The following PLCZ1 variants were observed in gnomAD, a reference collection of about 807,000 sequenced individuals.
PLCZ1 encodes the protein phospholipase C zeta 1, also known as 1-phosphatidylinositol 4,5-bisphosphate phosphodiesterase zeta-1.
In PLCZ1, 64 loss-of-function variants were observed where a neutral mutation model predicts 76.8. The observed-to-expected ratio is 0.83, with a 90% CI of 0.68 to 1.03. PLCZ1 has a LOEUF of 1.03. Among genes scored for constraint, PLCZ1 ranks in the 50% least tolerant of loss-of-function variants. PLCZ1 has a pLI of 0.00. For synonymous variants in PLCZ1, 248 were observed against 230.8 expected (o/e 1.07, Z -0.68); for missense variants, 751 against 713.7 (o/e 1.05, Z -0.60).
At chr12:18,678,254 C>T (rs1386117098), downstream of PLCZ1, among the ~76,000 whole-genome samples, 2 of 152,056 alleles carry the variant, frequency 1.3e-5, no homozygotes, top group Admixed American at 6.6e-5. Flanking sequence ...GCCAAATAAA[C>T]CTTTCATGCA....
chr12:18,719,647 T>C lies in PLCZ1; in HGVS notation c.368-15A>G. ...TGCTTTCCTAACTAAAAAAATAAAA[T>C]AAAATAAGTTAAAAGGATGCAAAAA... On this transcript the variant is annotated splice_polypyrimidine_tract_variant and intron_variant, in intron 4 of 14. Transcript: ENST00000266505. 2 of 1,532,914 alleles carry C rather than the reference T, an allele frequency of 1.3e-6. No homozygotes were observed. The highest frequency in any genetic ancestry group is 1.8e-6 in the Non-Finnish European group (2 of 1,126,688). 95.0% of individuals were successfully genotyped at this position (1,532,914 alleles called of 1,614,324 possible).
At chr12:18,715,038 T>C (rs1164928159) in intron 5 of PLCZ1, among the ~76,000 whole-genome samples, 1 of 151,674 alleles carries the variant, frequency 6.6e-6, no homozygotes, top group African/African-American at 2.4e-5. Flanking sequence ...GGCGATCATA[T>C]GCAGTCCCTT....
chr12:18,714,251 T>G (rs1354558656), intron 5 of PLCZ1, among the ~76,000 whole-genome samples: 1 of 152,218 alleles, frequency 6.6e-6, no homozygotes, highest in African/African-American at 2.4e-5. Flanking sequence ...AAGAGTTGCA[T>G]AGTTGTTCCT....
intron 12 of PLCZ1, among the ~76,000 whole-genome samples, chr12:18,692,028 T>C (rs922372308): frequency 3.9e-5 from 6 of 152,118 alleles, no homozygotes; most frequent in Non-Finnish European, 7.4e-5. Context: ...TCCTGTGGTA[T>C]TACGATGGTG....
At chr12:18,658,686 C>A in the PLCZ1 span, among the ~76,000 whole-genome samples, 2 of 151,904 alleles carry the variant, frequency 1.3e-5, no homozygotes, top group East Asian at 1.9e-4. Context: ...CGACCTGTAA[C>A]TTTAAGTATT....
intron 10 of PLCZ1, among the ~76,000 whole-genome samples, chr12:18,697,537 A>G (rs1036103951): frequency 5.9e-5 from 9 of 152,130 alleles, no homozygotes; most frequent in African/African-American, 2.2e-4. Flanking sequence ...TCTGAGATTA[A>G]CCTTTAGAAA....
At chr12:18,675,269 T>C in the PLCZ1 span, among the ~76,000 whole-genome samples, 2 of 152,292 alleles carry the variant, frequency 1.3e-5, no homozygotes, top group East Asian at 1.9e-4. Context: ...TCCAGCCAAA[T>C]TGTAGTCTCA....
chr12:18,704,252 A>C (rs1956301919), intron 7 of PLCZ1, among the ~76,000 whole-genome samples: 1 of 152,184 alleles, frequency 6.6e-6, no homozygotes. Context: ...TGAAGCAATT[A>C]GAAGAGAAAG....
At chr12:18,653,956 G>A in the PLCZ1 span, among the ~76,000 whole-genome samples, 8 of 151,990 alleles carry the variant, frequency 5.3e-5, no homozygotes, top group Non-Finnish European at 1.0e-4. Context: ...CCATGATTCC[G>A]ATTTACCCCA....
chr12:18,650,595 G>A, the PLCZ1 span, among the ~76,000 whole-genome samples: 1 of 147,064 alleles, frequency 6.8e-6, no homozygotes, highest in Non-Finnish European at 1.5e-5. Flanking sequence ...TTGAGTGCTT[G>A]ATATGAGAGC....
chr12:18,696,110 T>C, intron 11 of PLCZ1, 40 bp downstream of exon 11: 1 of 1,065,800 alleles, frequency 9.4e-7, no homozygotes, highest in South Asian at 1.3e-5. Flanking sequence ...ATTCATTTTA[T>C]GTTACTTCTG....
At chr12:18,702,485 ATAAAG>A (rs1342191223) in intron 7 of PLCZ1, among the ~76,000 whole-genome samples, 4 of 152,130 alleles carry the variant, frequency 2.6e-5, no homozygotes, top group African/African-American at 7.2e-5. Flanking sequence ...AATCTGGGTT[ATAAAG>A]TAAAGTTCTT....
intron 5 of PLCZ1, among the ~76,000 whole-genome samples, chr12:18,718,071 T>C (rs1958183792): frequency 6.6e-6 from 1 of 152,146 alleles, no homozygotes; most frequent in Non-Finnish European, 1.5e-5. Context: ...GGAGTGAGGA[T>C]ATGATTTAGC....
At chr12:18,685,051 G>A (rs1232460686) in intron 13 of PLCZ1, among the ~76,000 whole-genome samples, 2 of 151,938 alleles carry the variant, frequency 1.3e-5, no homozygotes, top group Non-Finnish European at 2.9e-5. Context: ...TCTTTCCTTT[G>A]TAAGTTATCC....
intron 12 of PLCZ1, among the ~76,000 whole-genome samples, chr12:18,692,546 T>C (rs1368343172): frequency 8.6e-5 from 13 of 151,890 alleles, no homozygotes. Flanking sequence ...AAAGCTAAAA[T>C]AATAAGACGA....
chr12:18,678,386 G>A (rs1203578534), downstream of PLCZ1, among the ~76,000 whole-genome samples: 8 of 151,914 alleles, frequency 5.3e-5, no homozygotes, highest in East Asian at 1.2e-3. Flanking sequence ...AAAGCTTCAC[G>A]TTTGAAGTAT....
chr12:18,656,900 G>A, the PLCZ1 span, among the ~76,000 whole-genome samples: 1 of 152,206 alleles, frequency 6.6e-6, no homozygotes, highest in African/African-American at 2.4e-5. Flanking sequence ...GAGATGTGGT[G>A]TTAAAGTTAC....
chr12:18,693,120 A>T (rs1954382157), intron 12 of PLCZ1: 1 of 1,520,326 alleles, frequency 6.6e-7, no homozygotes, highest in East Asian at 2.3e-5. Context: ...CTTGGAAGAG[A>T]TCATTGATGA....
the PLCZ1 span, among the ~76,000 whole-genome samples, chr12:18,664,915 C>A: frequency 8.1e-5 from 12 of 147,666 alleles, no homozygotes; most frequent in African/African-American, 2.3e-4. Flanking sequence ...GGACAAAAAA[C>A]CAAATACTGC....
Sources: allele counts gnomAD v4.1 joint callset (sites outside exome capture counted in the v4.1 genomes callset), GRCh38; gene constraint gnomAD v4.1.1; transcripts MANE v1.5; gene names NCBI Gene and HGNC (gene_info 2026-07-23, HGNC 2026-07-21).